PARP16: variants seen among roughly 807,000 people sequenced by gnomAD.
PARP16 encodes the protein protein mono-ADP-ribosyltransferase PARP16.
A neutral mutation model predicts 35.0 loss-of-function variants in PARP16; 31 were observed. The ratio of observed to expected loss-of-function variants is 0.88; its 90% CI spans 0.66 to 1.19. The LOEUF (loss-of-function observed/expected upper bound fraction) is 1.19. Ranked by LOEUF, PARP16 falls within the 50% of genes most tolerant of loss-of-function variation. The pLI, the probability that PARP16 is intolerant of heterozygous loss-of-function variation, is 0.00. For synonymous variants in PARP16, 162 were observed against 169.5 expected, an observed-to-expected ratio of 0.96 and a Z score of 0.34; for missense variants, 424 against 411.2, an observed-to-expected ratio of 1.03 and a Z score of -0.27.
At position 65,286,497 on chromosome 15, in the gene PARP16, G is replaced by GCCCA; in HGVS notation, c.-72_-71insTGGG. On this transcript the variant is annotated 5_prime_UTR_variant, in exon 1 of 6. Transcript: ENST00000649807. The stretch of plus-strand genomic sequence containing the variant: ...AAGGGCGAGCGTGCGTTCAGCGCGG[G>GCCCA]GGCTGGGCCCGCGGACAATGGGCCG... The GCCCA allele has an allele frequency of 8.1e-7, 1 of 1,236,418 alleles. No homozygotes were observed. The allele number at this position is 1,236,418 out of a possible 1,614,324, so 76.6% of individuals were successfully genotyped here. A position where few individuals can be genotyped will look rare whatever the true frequency, so the allele number is the denominator to read the frequency against.
chr15:65,241,712 A>G (rs1476832015), intron 3 of PARP16, among the ~76,000 whole-genome samples: 1 of 152,100 alleles, frequency 6.6e-6, no homozygotes, highest in Non-Finnish European at 1.5e-5. Context: ...TTGAGTGTAT[A>G]TATTTTTATG....
chr15:65,276,642 C>G (rs976021378), intron 1 of PARP16, among the ~76,000 whole-genome samples: 13 of 152,126 alleles, frequency 8.5e-5, no homozygotes, highest in Non-Finnish European at 1.5e-4. Context: ...GCTGGGATTA[C>G]AGGCATGAGC....
chr15:65,277,768 A>C (rs1007089529), intron 1 of PARP16, among the ~76,000 whole-genome samples: 1 of 152,234 alleles, frequency 6.6e-6, no homozygotes, highest in Non-Finnish European at 1.5e-5. Flanking sequence ...CAGAATTTTT[A>C]AGAGACTGCT....
At chr15:65,275,328 G>C (rs996214021) in intron 1 of PARP16, among the ~76,000 whole-genome samples, 13 of 152,106 alleles carry the variant, frequency 8.5e-5, no homozygotes, top group Non-Finnish European at 1.3e-4. Context: ...TGGTGGCATG[G>C]TTAATTGTGC....
chr15:65,244,142 G>A (rs531846480), intron 3 of PARP16, among the ~76,000 whole-genome samples: 33 of 152,170 alleles, frequency 2.2e-4, no homozygotes, highest in Admixed American at 3.9e-4. Flanking sequence ...CAATCTCCAG[G>A]TCTCAGATAA....
In PARP16 at chr15:65,251,688, A is replaced by G. The variant is rs529642165; in HGVS notation, c.203-3460T>C. Reference sequence around the variant, plus strand: ...GAGATACTATTATTATATCAAAATGAGATACTATTATCTCAAAACTCGTGG... The same window carrying G: ...GAGATACTATTATTATATCAAAATGGGATACTATTATCTCAAAACTCGTGG... On this transcript the variant is annotated intron_variant and NMD_transcript_variant, in intron 2 of 3. Transcript: ENST00000559805. Among the ~76,000 whole-genome samples, 9 of 152,270 alleles carry G rather than the reference A, an allele frequency of 5.9e-5. No individual in the cohort carries two copies. The East Asian group carries it at 1.5e-3, about 26-fold the overall frequency.
At chr15:65,238,469 G>A (rs1034036937) in intron 3 of PARP16, among the ~76,000 whole-genome samples, 2 of 152,162 alleles carry the variant, frequency 1.3e-5, no homozygotes, top group East Asian at 1.9e-4. Context: ...AAATGTGATA[G>A]CTATCCTGGA....
chr15:65,252,760 A>T (rs17231843), intron 2 of PARP16, among the ~76,000 whole-genome samples: 375 of 152,144 alleles, frequency 2.5e-3, no homozygotes, highest in Non-Finnish European at 3.1e-3. Context: ...CTTTGTTATC[A>T]GTCATTTGCA....
intron 2 of PARP16, 95 bp downstream of exon 2, chr15:65,270,840 C>A: frequency 8.0e-7 from 1 of 1,245,674 alleles, no homozygotes; most frequent in Non-Finnish European, 1.2e-6. Flanking sequence ...GCCCAGGTCA[C>A]TGGTACACAG....
chr15:65,231,352 T>C (rs577121305), downstream of PARP16, among the ~76,000 whole-genome samples: 1 of 152,338 alleles, frequency 6.6e-6, no homozygotes, highest in Non-Finnish European at 1.5e-5. Context: ...TCCTATTGTT[T>C]GGTATTTTCC....
chr15:65,243,409 C>T (rs1458133073), intron 3 of PARP16, among the ~76,000 whole-genome samples: 1 of 152,088 alleles, frequency 6.6e-6, no homozygotes, highest in Non-Finnish European at 1.5e-5. Flanking sequence ...CACCACCATA[C>T]CTGGCTAATT....
chr15:65,254,262 T>G (rs1415882276), downstream of PARP16, among the ~76,000 whole-genome samples: 1 of 152,164 alleles, frequency 6.6e-6, no homozygotes, highest in Admixed American at 6.5e-5. Context: ...CCTTTCCAGG[T>G]GGACAAGGGC....
chr15:65,247,798 CTTTTTTTTTTT>C (rs930896140), intron 3 of PARP16, among the ~76,000 whole-genome samples: 3 of 90,994 alleles, frequency 3.3e-5, no homozygotes, highest in African/African-American at 1.3e-4. Context: ...ATGGATTGTT[CTTTTTTTTTTT>C]TTTTTTTTTT....
chr15:65,240,207 G>A (rs991747323), intron 3 of PARP16, among the ~76,000 whole-genome samples: 1 of 150,666 alleles, frequency 6.6e-6, no homozygotes, highest in Non-Finnish European at 1.5e-5. Flanking sequence ...GCAGTGGCTC[G>A]GCTCACTGCA....
intron 4 of PARP16, among the ~76,000 whole-genome samples, chr15:65,262,132 T>C (rs1400538429): frequency 2.0e-5 from 3 of 149,592 alleles, no homozygotes; most frequent in Non-Finnish European, 4.4e-5. Flanking sequence ...TCTTTTTTCT[T>C]TCTTTTTTTT....
intron 3 of PARP16, among the ~76,000 whole-genome samples, chr15:65,243,190 A>G (rs931096570): frequency 4.6e-5 from 7 of 152,172 alleles, no homozygotes; most frequent in African/African-American, 1.4e-4. Flanking sequence ...GTAAGAACAG[A>G]TATTTCTTGC....
At chr15:65,257,555 G>A (rs1344367693), downstream of PARP16, among the ~76,000 whole-genome samples, 2 of 151,242 alleles carry the variant, frequency 1.3e-5, no homozygotes, top group Non-Finnish European at 2.9e-5. Flanking sequence ...GCTTGAACCC[G>A]GGAGGCAGAG....
chr15:65,257,629 CAAA>C (rs5813342), downstream of PARP16, among the ~76,000 whole-genome samples: 6 of 66,908 alleles, frequency 9.0e-5, no homozygotes, highest in African/African-American at 3.0e-4. Context: ...GACTCTGTCT[CAAA>C]AAAAAAAAAA....
intron 3 of PARP16, among the ~76,000 whole-genome samples, chr15:65,238,575 T>C (rs1233839400): frequency 2.6e-5 from 4 of 152,202 alleles, no homozygotes; most frequent in Admixed American, 2.6e-4. Context: ...TCCATTCCAC[T>C]CCGCACTGCC....
Sources: allele counts gnomAD v4.1 joint callset (sites outside exome capture counted in the v4.1 genomes callset), GRCh38; gene constraint gnomAD v4.1.1; transcripts MANE v1.5; gene names NCBI Gene and HGNC (gene_info 2026-07-23, HGNC 2026-07-21).